Variants in CTNND1 observed in about 807,000 individuals in gnomAD.
The protein encoded by CTNND1 is catenin delta-1.
In CTNND1, 16 loss-of-function variants were observed where a neutral mutation model predicts 112.1. The ratio of observed to expected loss-of-function variants is 0.14; its 90% CI spans 0.10 to 0.22. The LOEUF (loss-of-function observed/expected upper bound fraction) is 0.22. Among genes scored for constraint, CTNND1 ranks in the 10% least tolerant of loss-of-function variants. The probability of loss-of-function intolerance (pLI) is 1.00; values close to 1 mark genes in which losing one functional copy is unlikely to be tolerated. For missense variants in CTNND1, 1,008 were observed against 1,257.0 expected (o/e 0.80, Z 3.00); for synonymous variants, 420 against 446.5 (o/e 0.94, Z 0.75).
At chr11:57,770,590 T>C (rs1228829023) in intron 1 of CTNND1, among the ~76,000 whole-genome samples, 1 of 151,580 alleles carries the variant, frequency 6.6e-6, no homozygotes, top group East Asian at 1.9e-4. Flanking sequence ...GAGGCAGAGG[T>C]TGCAATGAGC....
intron 1 of CTNND1, among the ~76,000 whole-genome samples, chr11:57,764,538 G>C (rs1298206201): frequency 6.6e-6 from 1 of 152,058 alleles, no homozygotes; most frequent in Non-Finnish European, 1.5e-5. Context: ...TTGGTACCCT[G>C]TTAGTAACTG....
At position 57,788,391 on chromosome 11, in the gene CTNND1, C is replaced by T. The variant is rs930593262; in HGVS notation, c.-213-646C>T. Among the ~76,000 whole-genome samples the T allele has an allele frequency of 6.6e-6, 1 of 152,116 alleles. No individual in the cohort carries two copies. Reference sequence around the variant, plus strand: ...GGAGGAATTTAGGGAAGGGCAACCACGTTCTTTAAACTTAGGGACTGGATT... The same window carrying T: ...GGAGGAATTTAGGGAAGGGCAACCATGTTCTTTAAACTTAGGGACTGGATT... On this transcript the variant is annotated intron_variant, in intron 1 of 20. Transcript: ENST00000399050. This position sits in a 1 kb window ranked among gnomAD's most constrained non-coding sequence, Gnocchi z 4.1.
chr11:57,814,283 A>G, intron 17 of CTNND1, 28 bp from the exon 18 acceptor site: 2 of 1,566,846 alleles, frequency 1.3e-6, no homozygotes, highest in Non-Finnish European at 1.8e-6. Context: ...ATTGTTTTTG[A>G]CATGGATAAC....
chr11:57,799,864 G>A (rs931048695), intron 6 of CTNND1, among the ~76,000 whole-genome samples: 2 of 149,230 alleles, frequency 1.3e-5, no homozygotes, highest in African/African-American at 2.5e-5. Context: ...TATCCTTTGA[G>A]TTTTTTTAAT....
At chr11:57,772,456 C>T (rs1014067770) in intron 1 of CTNND1, among the ~76,000 whole-genome samples, 1 of 152,140 alleles carries the variant, frequency 6.6e-6, no homozygotes, top group Non-Finnish European at 1.5e-5. Flanking sequence ...TCCCCATGCC[C>T]TGATTGTTGA....
At chr11:57,808,131 TAGC>T (rs2062939458) in intron 12 of CTNND1, 31 bp from the exon 13 acceptor site, 2 of 1,597,920 alleles carry the variant, frequency 1.3e-6, no homozygotes, top group Admixed American at 1.7e-5. Context: ...TGGTACTGAT[TAGC>T]ACCCTCTGCT....
In CTNND1 at chr11:57,801,607, G is replaced by A. The variant is rs567213172; in HGVS notation, c.957-126G>A. 2.5e-4 allele frequency: 176 copies of A among 716,078 alleles called. No individual in the cohort carries two copies. The South Asian group carries it at 3.1e-3, about 13-fold the overall frequency. The allele number at this position is 716,078 out of a possible 1,614,324, so 44.4% of individuals were successfully genotyped here. On this transcript the variant is annotated intron_variant, in intron 6 of 20. Transcript: ENST00000399050. ...TTGATCAGTATATTATTCATGCAAA[G>A]GAGAGATAAGATGAGCACACTGAAA...
At chr11:57,793,666 G>A (rs2061015567) in intron 3 of CTNND1, among the ~76,000 whole-genome samples, 2 of 152,194 alleles carry the variant, frequency 1.3e-5, no homozygotes, top group African/African-American at 4.8e-5. Context: ...CTAGGTCTGT[G>A]CTGTTTATTC....
chr11:57,768,519 G>A (rs1029250889), intron 1 of CTNND1, among the ~76,000 whole-genome samples: 35 of 149,542 alleles, frequency 2.3e-4, no homozygotes, highest in Admixed American at 1.3e-3. Flanking sequence ...TCAGCCTCCC[G>A]AGTAGCTGGG....
intron 1 of CTNND1, among the ~76,000 whole-genome samples, chr11:57,786,639 A>G (rs1227935997): frequency 6.6e-6 from 1 of 152,176 alleles, no homozygotes; most frequent in Non-Finnish European, 1.5e-5. Context: ...GAAGGTTTGT[A>G]GTGTGATCTT....
At chr11:57,794,767 A>G (rs2061169002) in intron 4 of CTNND1, among the ~76,000 whole-genome samples, 3 of 150,620 alleles carry the variant, frequency 2.0e-5, no homozygotes, top group Non-Finnish European at 4.4e-5. Flanking sequence ...CCTGGGCAAC[A>G]AGAGCAAAAC....
rs150876655 is a variant in CTNND1, at chr11:57,810,041, G to A, written c.2436-68G>A. 65 of 1,189,618 alleles carry A rather than the reference G, an allele frequency of 5.5e-5. No homozygotes were observed. In the African/African-American group the frequency reaches 9.5e-4, roughly 17 times the overall value. The allele number at this position is 1,189,618 out of a possible 1,614,324, so 73.7% of individuals were successfully genotyped here. ...CATTTATATTCTTATGTTATTAGAGGATATAGGGTCTAAGCTTTTTTCCTG... is the reference window on the plus strand; with the variant it reads ...CATTTATATTCTTATGTTATTAGAGAATATAGGGTCTAAGCTTTTTTCCTG... On this transcript the variant is annotated intron_variant, in intron 15 of 20. Transcript: ENST00000399050.
intron 19 of CTNND1, 150 bp from the exon 20 acceptor site, chr11:57,815,765 C>T: frequency 1.3e-6 from 1 of 772,282 alleles, no homozygotes; most frequent in South Asian, 1.5e-5. Flanking sequence ...CCTTTTTCCT[C>T]TCCCTCCCTG....
At chr11:57,768,899 TC>T in intron 1 of CTNND1, among the ~76,000 whole-genome samples, 1 of 152,210 alleles carries the variant, frequency 6.6e-6, no homozygotes, top group East Asian at 1.9e-4. Flanking sequence ...CTAGGAATTT[TC>T]CTTCTCTTTT....
At chr11:57,765,802 A>G (rs1378565943) in intron 1 of CTNND1, among the ~76,000 whole-genome samples, 1 of 152,092 alleles carries the variant, frequency 6.6e-6, no homozygotes, top group Non-Finnish European at 1.5e-5. Flanking sequence ...TTCTAGAGAT[A>G]ATGGAGGATT....
intron 9 of CTNND1, 106 bp from the exon 10 acceptor site, chr11:57,805,776 T>C (rs936859636): frequency 4.9e-5 from 63 of 1,273,742 alleles, no homozygotes; most frequent in South Asian, 1.5e-5. Context: ...GATTGGGTTA[T>C]GCATTTGAAG....
chr11:57,772,850 T>G (rs550469734), intron 1 of CTNND1, among the ~76,000 whole-genome samples: 1 of 152,114 alleles, frequency 6.6e-6, no homozygotes, highest in South Asian at 2.1e-4. Context: ...CCTCTCCCTC[T>G]TTCTCTCTCT....
At chr11:57,801,246 C>T (rs1227027916) in intron 6 of CTNND1, among the ~76,000 whole-genome samples, 1 of 152,140 alleles carries the variant, frequency 6.6e-6, no homozygotes, top group Admixed American at 6.6e-5. Flanking sequence ...ATTTAAAGGT[C>T]TTATCCTACC....
At chr11:57,766,663 G>A (rs1336802011) in intron 1 of CTNND1, among the ~76,000 whole-genome samples, 2 of 152,200 alleles carry the variant, frequency 1.3e-5, no homozygotes, top group Non-Finnish European at 2.9e-5. Flanking sequence ...GAGATTGTAA[G>A]AAGGCAAGAA....
Sources: gnomAD v4.1 joint callset for allele counts (sites outside exome capture counted in the v4.1 genomes callset) on GRCh38, gnomAD v4.1.1 for gene constraint, Gnocchi (gnomAD v3.1) non-coding constraint, MANE v1.5 for transcripts, NCBI Gene and HGNC (gene_info 2026-07-23, HGNC 2026-07-21) for gene names.